Variants in NAPEPLD observed in about 807,000 individuals in gnomAD.
NAPEPLD encodes the protein N-acyl phosphatidylethanolamine phospholipase D.
In NAPEPLD, 23 loss-of-function variants were observed where a neutral mutation model predicts 38.1. That is an observed-to-expected ratio of 0.60 (90% CI 0.43 to 0.86). The LOEUF is 0.86. NAPEPLD is among the 40% of genes least tolerant of loss of function. NAPEPLD has a pLI of 0.00. For missense variants in NAPEPLD, 411 were observed against 476.8 expected (o/e 0.86, Z 1.28); for synonymous variants, 147 against 162.0 (o/e 0.91, Z 0.71).
chr7:103,138,530 G>A (rs1196751165), intron 1 of NAPEPLD, among the ~76,000 whole-genome samples: 1 of 149,802 alleles, frequency 6.7e-6, no homozygotes, highest in African/African-American at 2.5e-5. Flanking sequence ...GTCCAGTGGT[G>A]CGATCTCAGC....
intron 2 of NAPEPLD, 96 bp from the exon 3 acceptor site, chr7:103,120,319 G>T: frequency 7.3e-7 from 1 of 1,362,256 alleles, no homozygotes; most frequent in Non-Finnish European, 9.9e-7. Flanking sequence ...GGCAAGAAGA[G>T]CTGTTTTAAG....
Position 103,128,486 on chromosome 7 carries a change from T to C in NAPEPLD, c.291A>G (p.Lys97=). Residue 97 remains lysine (K), a synonymous_variant, in exon 2 of 5, where the codon AAA becomes AAG. Transcript: ENST00000465647. Reference sequence around the variant, plus strand: ...ACTCAAAAAAGCCAAGCGCTACCTCTTTAGAACTTGGAACACTGCTGTGAT... The same window carrying C: ...ACTCAAAAAAGCCAAGCGCTACCTCCTTAGAACTTGGAACACTGCTGTGAT... ...EKDHSSVPSS[K]EELDKELPVL... 1 of 1,614,074 alleles carries C rather than the reference T, an allele frequency of 6.2e-7. No individual in the cohort carries two copies. The highest frequency in any genetic ancestry group is 8.5e-7 in the Non-Finnish European group (1 of 1,180,016).
chr7:103,103,626 C>A, intron 4 of NAPEPLD, 72 bp from the exon 5 acceptor site: 1 of 1,485,274 alleles, frequency 6.7e-7, no homozygotes, highest in South Asian at 1.3e-5. Context: ...AATAACAGTT[C>A]AAACTAAAAT....
At chr7:103,141,638 A>C in intron 1 of NAPEPLD, 2 of 900,124 alleles carry the variant, frequency 2.2e-6, no homozygotes, top group Non-Finnish European at 3.8e-6. Context: ...CCGGTGCAGA[A>C]TCCTCATTCT....
At chr7:103,139,532 AG>A (rs943869982) in intron 1 of NAPEPLD, among the ~76,000 whole-genome samples, 8 of 152,370 alleles carry the variant, frequency 5.3e-5, no homozygotes, top group Non-Finnish European at 1.0e-4. Flanking sequence ...GTGATCCAGC[AG>A]GTCAGAGACA....
At chr7:103,149,924 T>C (rs1285111947), upstream of NAPEPLD, among the ~76,000 whole-genome samples, 3 of 152,316 alleles carry the variant, frequency 2.0e-5, no homozygotes, top group Middle Eastern at 6.8e-3. Context: ...TAATTTGAAA[T>C]GTTGTACAGT....
chr7:103,148,025 T>C lies in NAPEPLD; in HGVS notation c.-17+786A>G, dbSNP rs545880258. On this transcript the variant is annotated intron_variant, in intron 1 of 4. Coordinates refer to ENST00000465647, the MANE Select transcript of NAPEPLD (RefSeq NM_001122838.3). Reference sequence around the variant, plus strand: ...ACAAAAATCACACTATTGTGGGATATAGGTAATCTTCTTTTTAAAGATTAC... The same window carrying C: ...ACAAAAATCACACTATTGTGGGATACAGGTAATCTTCTTTTTAAAGATTAC... 114 of 984,658 alleles carry C rather than the reference T, an allele frequency of 1.2e-4. 1 individual carries two copies. The South Asian group carries it at 3.9e-3, about 33-fold the overall frequency. The allele number at this position is 984,658 out of a possible 1,614,324, so 61.0% of individuals were successfully genotyped here.
intron 2 of NAPEPLD, among the ~76,000 whole-genome samples, chr7:103,120,531 A>G (rs2129528900): frequency 6.6e-6 from 1 of 152,244 alleles, no homozygotes; most frequent in Non-Finnish European, 1.5e-5. Flanking sequence ...TGCCAGAAGT[A>G]GACTGGCCTA....
At position 103,099,796 on chromosome 7, in the gene NAPEPLD, C is replaced by CTTTA. The variant is rs1802128906; in HGVS notation, c.*3629_*3632dup. The CTTTA allele has an allele frequency of 1.3e-5, 2 of 151,744 alleles. No homozygotes were observed. The highest frequency in any genetic ancestry group is 2.9e-5 in the Non-Finnish European group (2 of 67,940). The allele number at this position is 151,744 out of a possible 1,614,324, so 9.4% of individuals were successfully genotyped here. On this transcript the variant is annotated 3_prime_UTR_variant, in exon 5 of 5. Transcript: ENST00000465647. ...ATACATATTTTTTCCCTTGACAGTA[C>CTTTA]TTTATTAATTTTCATCCATATTTTA...
rs1802645229 is a variant in NAPEPLD at position 103,103,202 on chromosome 7, A to G, written c.*227T>C. 3.0e-6 allele frequency: 1 copy of G among 336,542 alleles called. No individual in the cohort carries two copies. Among genetic ancestry groups the G allele is most frequent in the South Asian group, 1.0e-4 (1 of 9,892 alleles). 20.8% of individuals were successfully genotyped at this position (336,542 alleles called of 1,614,324 possible). A position where few individuals can be genotyped will look rare whatever the true frequency, so the allele number is the denominator to read the frequency against. On this transcript the variant is annotated 3_prime_UTR_variant, in exon 5 of 5. Transcript: ENST00000465647. ...TATCATGATATGAAATTTAAAATCC[A>G]CATTAGCCAATTCATTATTTAAATG...
At chr7:103,149,309 C>A, upstream of NAPEPLD, 4 of 1,082,672 alleles carry the variant, frequency 3.7e-6, no homozygotes, top group Non-Finnish European at 4.5e-6. Flanking sequence ...GAGCGCGCGC[C>A]GCCTCAGTTC....
chr7:103,109,199 G>A (rs1486946706), intron 4 of NAPEPLD, among the ~76,000 whole-genome samples: 1 of 152,092 alleles, frequency 6.6e-6, no homozygotes, highest in Non-Finnish European at 1.5e-5. Flanking sequence ...AAATTAACAA[G>A]GATATCAAGG....
In NAPEPLD at chr7:103,128,766, T is replaced by C. The variant is rs530322396; in HGVS notation, c.11A>G (p.Asn4Ser). The change falls in exon 2 of 5, where the codon AAT becomes AGT. Residue 4 changes from asparagine (N) to serine (S), a missense_variant. By Grantham distance (46) the Asn-to-Ser change is conservative. Transcript: ENST00000465647. ...TGTCATCAGAGACTGGTTGCTTTCA[T>C]TTTCATCCATGTCCTTTGGTGAAGA... is the stretch of plus-strand genomic sequence containing the variant. The part of the protein sequence containing the change: MDE[N>S]ESNQSLMTSS... 3.7e-6 allele frequency: 6 copies of C among 1,611,500 alleles called. No individual in the cohort carries two copies. The South Asian group carries it at 5.5e-5, about 15-fold the overall frequency.
At chr7:103,144,680 T>C (rs1812180704) in intron 1 of NAPEPLD, among the ~76,000 whole-genome samples, 1 of 151,480 alleles carries the variant, frequency 6.6e-6, no homozygotes, top group South Asian at 2.1e-4. Flanking sequence ...CATATCTAGT[T>C]TGCCTGAGGA....
intron 4 of NAPEPLD, among the ~76,000 whole-genome samples, chr7:103,112,684 A>G (rs1804774706): frequency 6.6e-6 from 1 of 152,082 alleles, no homozygotes; most frequent in Admixed American, 6.6e-5. Flanking sequence ...GCAAACCACC[A>G]TGGCACGTGT....
intron 1 of NAPEPLD, among the ~76,000 whole-genome samples, chr7:103,138,027 G>T (rs1426585706): frequency 9.9e-5 from 15 of 150,968 alleles, no homozygotes; most frequent in Admixed American, 8.6e-4. Flanking sequence ...ACCCAGGCTG[G>T]AGTGCAATGG....
intron 4 of NAPEPLD, among the ~76,000 whole-genome samples, chr7:103,105,325 G>A (rs187842587): frequency 2.0e-5 from 3 of 152,258 alleles, no homozygotes; most frequent in Non-Finnish European, 4.4e-5. Flanking sequence ...GGTCTAGGCA[G>A]CTAGCCACAC....
chr7:103,129,354 A>G (rs1808470872), intron 1 of NAPEPLD: 1 of 983,818 alleles, frequency 1.0e-6, no homozygotes, highest in Admixed American at 6.1e-5. Flanking sequence ...ATATTTCCCC[A>G]GCCAGCATGT....
chr7:103,137,752 G>A (rs1324440733), intron 1 of NAPEPLD, among the ~76,000 whole-genome samples: 2 of 148,832 alleles, frequency 1.3e-5, no homozygotes, highest in South Asian at 4.2e-4. Context: ...GGAGGTAAAG[G>A]CTGCAGTGAA....
Sources: gnomAD v4.1 joint callset for allele counts (sites outside exome capture counted in the v4.1 genomes callset) on GRCh38, gnomAD v4.1.1 for gene constraint, MANE v1.5 for transcripts, NCBI Gene and HGNC (gene_info 2026-07-23, HGNC 2026-07-21) for gene names.